HECW1: variants seen among roughly 807,000 people sequenced by gnomAD.
The protein encoded by HECW1 is HECT, C2 and WW domain containing E3 ubiquitin protein ligase 1, also known as E3 ubiquitin-protein ligase HECW1.
A neutral mutation model predicts 182.3 loss-of-function variants in HECW1; 61 were observed. That is an observed-to-expected ratio of 0.33 (90% CI 0.27 to 0.41). The LOEUF (loss-of-function observed/expected upper bound fraction) is 0.41. Ranked by LOEUF, HECW1 falls within the 10% of genes least tolerant of loss-of-function variation. The pLI is 1.00. For missense variants in HECW1, 1,739 were observed against 2,108.9 expected, an observed-to-expected ratio of 0.82 and a Z score of 3.44; for synonymous variants, 859 against 832.6, an observed-to-expected ratio of 1.03 and a Z score of -0.55.
intron 2 of HECW1, among the ~76,000 whole-genome samples, chr7:43,174,754 AC>A (rs1792044463): frequency 6.6e-6 from 1 of 152,132 alleles, no homozygotes; most frequent in Admixed American, 6.5e-5. Context: ...TTTTATTTTA[AC>A]CAACTCATTG....
intron 2 of HECW1, among the ~76,000 whole-genome samples, chr7:43,155,695 C>T (rs1789811491): frequency 6.6e-6 from 1 of 152,156 alleles, no homozygotes; most frequent in African/African-American, 2.4e-5. Context: ...TTCTCTGCAG[C>T]AATTGTCTCT....
intron 8 of HECW1, among the ~76,000 whole-genome samples, chr7:43,408,021 G>A (rs1006349339): frequency 6.6e-6 from 1 of 152,148 alleles, no homozygotes; most frequent in Non-Finnish European, 1.5e-5. Flanking sequence ...CTTCATGTGG[G>A]AGAAGGAAGA....
intron 2 of HECW1, among the ~76,000 whole-genome samples, chr7:43,164,950 T>G (rs1021738384): frequency 6.6e-6 from 1 of 152,236 alleles, no homozygotes; most frequent in Non-Finnish European, 1.5e-5. Context: ...AGCAGAAGGA[T>G]GAATCAGTGG....
At chr7:43,548,806 T>A (rs1456576252) in intron 26 of HECW1, among the ~76,000 whole-genome samples, 4 of 152,092 alleles carry the variant, frequency 2.6e-5, no homozygotes. Flanking sequence ...TAGTCAGGTG[T>A]GGTGGCATGC....
chr7:43,370,264 A>G (rs1817166554), intron 6 of HECW1, among the ~76,000 whole-genome samples: 1 of 152,224 alleles, frequency 6.6e-6, no homozygotes, highest in Non-Finnish European at 1.5e-5. Flanking sequence ...ATGCCCAACA[A>G]TATATGTCAT....
At chr7:43,289,535 C>T (rs1805113941) in intron 3 of HECW1, among the ~76,000 whole-genome samples, 1 of 152,202 alleles carries the variant, frequency 6.6e-6, no homozygotes, top group African/African-American at 2.4e-5. Context: ...TTTAGGAGGT[C>T]ATGGGCTAGT....
chr7:43,498,356 G>A (rs560930936), intron 19 of HECW1, among the ~76,000 whole-genome samples: 129 of 152,342 alleles, frequency 8.5e-4, no homozygotes, highest in Non-Finnish European at 1.3e-3. Context: ...AGGGAGGGAG[G>A]CCAGTGGCTT....
chr7:43,411,768 A>G (rs995181591), intron 8 of HECW1, among the ~76,000 whole-genome samples: 11 of 152,116 alleles, frequency 7.2e-5, no homozygotes, highest in Admixed American at 1.3e-4. Context: ...TTATCACACT[A>G]ATATAGCCAC....
chr7:43,154,555 GTTC>G lies in HECW1; in HGVS notation c.-32+40170_-32+40172del, dbSNP rs771747756. On this transcript the variant is annotated intron_variant, in intron 2 of 29. Coordinates refer to ENST00000395891, the MANE Select transcript of HECW1 (RefSeq NM_015052.5). ...AGTGGTTTTCACGAGCATTTGTATT[GTTC>G]TTCTTTACACCTTAGGTGTATTTGT... Among the ~76,000 whole-genome samples, 7 of 152,124 alleles carry G rather than the reference GTTC, an allele frequency of 4.6e-5. 1 individual carries two copies. The highest frequency in any genetic ancestry group is 1.0e-4 in the Non-Finnish European group (7 of 68,004).
At chr7:43,358,972 T>C (rs762097991) in intron 5 of HECW1, among the ~76,000 whole-genome samples, 1 of 151,704 alleles carries the variant, frequency 6.6e-6, no homozygotes, top group African/African-American at 2.4e-5. Context: ...ATTGCAGGAG[T>C]GCACCACCAC....
At chr7:43,274,706 C>T (rs576192022) in intron 3 of HECW1, 3 of 253,702 alleles carry the variant, frequency 1.2e-5, no homozygotes, top group East Asian at 1.2e-4. Flanking sequence ...AAAATAGACA[C>T]GAACTATCTC....
chr7:43,206,481 C>G (rs1314108767), intron 2 of HECW1, among the ~76,000 whole-genome samples: 1 of 152,224 alleles, frequency 6.6e-6, no homozygotes, highest in Non-Finnish European at 1.5e-5. Context: ...TTCCTCCCCT[C>G]AGTCCCCCAC....
chr7:43,208,602 TTG>T (rs1795707510), intron 2 of HECW1, among the ~76,000 whole-genome samples: 1 of 152,262 alleles, frequency 6.6e-6, no homozygotes, highest in African/African-American at 2.4e-5. Context: ...GGGTAATTTT[TTG>T]TGTCAGCTTT....
chr7:43,166,205 T>C (rs1188139409), intron 2 of HECW1, among the ~76,000 whole-genome samples: 1 of 152,230 alleles, frequency 6.6e-6, no homozygotes, highest in Non-Finnish European at 1.5e-5. Flanking sequence ...TGCCTCAGCC[T>C]CCCAAGTAGC....
At chr7:43,192,674 T>C (rs1794039218) in intron 2 of HECW1, among the ~76,000 whole-genome samples, 1 of 152,260 alleles carries the variant, frequency 6.6e-6, no homozygotes, top group Non-Finnish European at 1.5e-5. Context: ...TCCTTAATGC[T>C]ACCAGCTGGT....
intron 8 of HECW1, among the ~76,000 whole-genome samples, chr7:43,427,344 C>T (rs529004278): frequency 5.3e-4 from 81 of 152,232 alleles, no homozygotes; most frequent in Non-Finnish European, 7.8e-4. Flanking sequence ...ATAATTAAAG[C>T]CTTTGAGACA....
chr7:43,539,232 A>G (rs952857251), intron 24 of HECW1, among the ~76,000 whole-genome samples: 4 of 152,140 alleles, frequency 2.6e-5, no homozygotes, highest in African/African-American at 9.7e-5. Flanking sequence ...TTCTTGTTGT[A>G]TCTTTTCCAG....
chr7:43,276,360 A>T (rs1392008470), intron 3 of HECW1, among the ~76,000 whole-genome samples: 5 of 152,180 alleles, frequency 3.3e-5, no homozygotes, highest in Non-Finnish European at 4.4e-5. Flanking sequence ...AGAGACCTCC[A>T]GTGATGCTGG....
intron 17 of HECW1, among the ~76,000 whole-genome samples, chr7:43,483,547 C>CTT (rs549214390): frequency 0.044 from 5,190 of 118,908 alleles, 248 homozygotes; most frequent in South Asian, 0.11. Context: ...CATGCAAACT[C>CTT]TTTTTTTTTT....
Sources: gnomAD v4.1 joint callset for allele counts (sites outside exome capture counted in the v4.1 genomes callset) on GRCh38, gnomAD v4.1.1 for gene constraint, MANE v1.5 for transcripts, NCBI Gene and HGNC (gene_info 2026-07-23, HGNC 2026-07-21) for gene names.